INSYN2B: variants seen among roughly 807,000 people sequenced by gnomAD.
The protein encoded by INSYN2B is protein INSYN2B.
A neutral mutation model predicts 41.2 loss-of-function variants in INSYN2B; 16 were observed. The ratio of observed to expected loss-of-function variants is 0.39; its 90% CI spans 0.26 to 0.59. The LOEUF is 0.59. INSYN2B is among the 20% of genes least tolerant of loss of function. The pLI is 0.57. For missense variants in INSYN2B, 608 were observed against 646.4 expected, an observed-to-expected ratio of 0.94 and a Z score of 0.64; for synonymous variants, 245 against 244.4, an observed-to-expected ratio of 1.00 and a Z score of -0.02.
chr5:169,926,221 G>A (rs1581427369), intron 1 of INSYN2B, among the ~76,000 whole-genome samples: 1 of 152,276 alleles, frequency 6.6e-6, no homozygotes, highest in East Asian at 1.9e-4. Context: ...CTGACTTGGG[G>A]ACCACGGGGA....
rs1456182278 is a variant in INSYN2B, at chr5:169,962,524, A to G, written c.-919+17753T>C. On this transcript the variant is annotated intron_variant, in intron 1 of 3. Coordinates refer to ENST00000377365, the MANE Select transcript of INSYN2B (RefSeq NM_001129891.3). The stretch of plus-strand genomic sequence containing the variant: ...GAGTTTGAGATGCCTGCAAACATTC[A>G]CCTGGAGTTGTCAGACAGGTAGTTG... Among the ~76,000 whole-genome samples, 3 of 152,256 alleles carry G rather than the reference A, an allele frequency of 2.0e-5. 1 individual carries two copies. Among genetic ancestry groups the G allele is most frequent in the Admixed American group, 6.5e-5 (1 of 15,292 alleles).
In INSYN2B at chr5:169,862,884, C is replaced by A. The variant is rs1000015028; in HGVS notation, c.*1389G>T. Among the ~76,000 whole-genome samples the A allele has an allele frequency of 2.0e-5, 3 of 152,196 alleles. No homozygotes were observed. Among genetic ancestry groups the A allele is most frequent in the Non-Finnish European group, 4.4e-5 (3 of 68,030 alleles). On this transcript the variant is annotated 3_prime_UTR_variant, in exon 4 of 4. Transcript: ENST00000377365. The stretch of plus-strand genomic sequence containing the variant: ...CTCTGCAAAGATTCTAGCTTAGACA[C>A]TGGATCTTCAGCCAAGGGAATTACA...
chr5:169,898,528 AAACAACAACAAC>A (rs36216194), intron 1 of INSYN2B, among the ~76,000 whole-genome samples: 33,502 of 151,148 alleles, frequency 0.22, 5,733 homozygotes, highest in African/African-American at 0.48. Context: ...CACACACACA[AAACAACAACAAC>A]AACAACAACA....
At chr5:169,934,222 A>G (rs1775884486) in intron 1 of INSYN2B, among the ~76,000 whole-genome samples, 1 of 152,182 alleles carries the variant, frequency 6.6e-6, no homozygotes, top group South Asian at 2.1e-4. Context: ...ACGTAATAAC[A>G]GTGGACTTGG....
At chr5:169,950,297 C>A (rs1467427937) in intron 1 of INSYN2B, among the ~76,000 whole-genome samples, 2 of 152,220 alleles carry the variant, frequency 1.3e-5, no homozygotes, top group Non-Finnish European at 2.9e-5. Flanking sequence ...AACAAGCAGA[C>A]CTTCCTCATA....
intron 1 of INSYN2B, among the ~76,000 whole-genome samples, chr5:169,942,264 T>G (rs948115676): frequency 6.6e-6 from 1 of 152,226 alleles, no homozygotes; most frequent in Non-Finnish European, 1.5e-5. Flanking sequence ...TTCCTTGGTC[T>G]ATTCTCTCTC....
intron 2 of INSYN2B, 69 bp downstream of exon 2, chr5:169,882,484 T>A: frequency 1.5e-6 from 2 of 1,319,080 alleles, no homozygotes; most frequent in Non-Finnish European, 2.1e-6. Context: ...AAACCAAAGC[T>A]GTCTCTGCCC....
In INSYN2B at chr5:169,873,764, A is replaced by G. The variant is rs1389239139; in HGVS notation, c.1421+7604T>C. Among the ~76,000 whole-genome samples the G allele has an allele frequency of 2.6e-5, 4 of 152,200 alleles. No homozygotes were observed. The East Asian group carries it at 5.8e-4, about 22-fold the overall frequency. ...AGCTTTGAGTGGCAGGCAAGGCCAG[A>G]GCTCAGTGGCCAAATCGCTTAACCA... On this transcript the variant is annotated intron_variant, in intron 3 of 3. Transcript: ENST00000377365.
intron 1 of INSYN2B, among the ~76,000 whole-genome samples, chr5:169,887,164 G>A (rs1013131539): frequency 1.3e-5 from 2 of 152,144 alleles, no homozygotes; most frequent in African/African-American, 2.4e-5. Context: ...TTTTGTGCAA[G>A]GCTAGCAAGC....
At chr5:169,954,836 C>T (rs1776798851) in intron 1 of INSYN2B, among the ~76,000 whole-genome samples, 1 of 152,236 alleles carries the variant, frequency 6.6e-6, no homozygotes, top group Non-Finnish European at 1.5e-5. Context: ...TCCACCCAGG[C>T]TGCAAGTGTG....
intron 1 of INSYN2B, among the ~76,000 whole-genome samples, chr5:169,961,341 T>A (rs1777078545): frequency 6.6e-6 from 1 of 152,254 alleles, no homozygotes; most frequent in African/African-American, 2.4e-5. Context: ...TGAACTACAC[T>A]GAACAGAATT....
chr5:169,971,587 A>G (rs1159142399), intron 1 of INSYN2B, among the ~76,000 whole-genome samples: 1 of 152,202 alleles, frequency 6.6e-6, no homozygotes, highest in Non-Finnish European at 1.5e-5. Flanking sequence ...GATCAGCTTC[A>G]TAAAAGCCAG....
intron 1 of INSYN2B, among the ~76,000 whole-genome samples, chr5:169,916,007 G>A (rs909421033): frequency 1.3e-5 from 2 of 152,288 alleles, no homozygotes; most frequent in Admixed American, 6.5e-5. Context: ...TATTACAAAT[G>A]TTCTCAGATT....
At position 169,977,958 on chromosome 5, in the gene INSYN2B, G is replaced by T. The variant is rs4867578; in HGVS notation, c.-919+2319C>A. ...CAGATGGCAGACATGGGGGTGAATA[G>T]AGAAGCAACCTGTGAGTGCATTCGG... On this transcript the variant is annotated intron_variant, in intron 1 of 3. Coordinates refer to ENST00000377365, the MANE Select transcript of INSYN2B (RefSeq NM_001129891.3). Among the ~76,000 whole-genome samples the T allele has an allele frequency of 8.8e-3, 1,335 of 152,278 alleles. 7 individuals carry two copies. The highest frequency in any genetic ancestry group is 0.013 in the Admixed American group (193 of 15,308).
At chr5:169,937,705 C>T (rs1776054134) in intron 1 of INSYN2B, among the ~76,000 whole-genome samples, 1 of 152,156 alleles carries the variant, frequency 6.6e-6, no homozygotes, top group Non-Finnish European at 1.5e-5. Context: ...TCTAAATTCT[C>T]ATTTAGTAAC....
intron 1 of INSYN2B, among the ~76,000 whole-genome samples, chr5:169,977,898 C>A (rs367629258): frequency 1.3e-5 from 2 of 152,274 alleles, no homozygotes; most frequent in South Asian, 2.1e-4. Context: ...ACAGACAGCA[C>A]CAATTTCATC....
At chr5:169,936,410 G>A (rs959214578) in intron 1 of INSYN2B, among the ~76,000 whole-genome samples, 17 of 152,108 alleles carry the variant, frequency 1.1e-4, no homozygotes, top group Non-Finnish European at 2.1e-4. Flanking sequence ...TGAGGATCCA[G>A]GAAGTGAAGT....
chr5:169,894,698 C>A (rs578180025), intron 1 of INSYN2B, among the ~76,000 whole-genome samples: 4 of 152,140 alleles, frequency 2.6e-5, no homozygotes, highest in Non-Finnish European at 5.9e-5. Flanking sequence ...ACAGCGTGCC[C>A]AGCAGCATGT....
At chr5:169,919,998 G>A (rs955490702) in intron 1 of INSYN2B, among the ~76,000 whole-genome samples, 8 of 152,146 alleles carry the variant, frequency 5.3e-5, no homozygotes, top group African/African-American at 1.4e-4. Flanking sequence ...CATGTTGTCC[G>A]TGTTGTTGAA....
Sources: allele counts gnomAD v4.1 joint callset (sites outside exome capture counted in the v4.1 genomes callset), GRCh38; gene constraint gnomAD v4.1.1; transcripts MANE v1.5; gene names NCBI Gene and HGNC (gene_info 2026-07-23, HGNC 2026-07-21).